GALNTL5: variants seen among roughly 807,000 people sequenced by gnomAD.
GALNTL5 encodes the protein polypeptide N-acetylgalactosaminyltransferase like 5.
GALNTL5 carries 44 observed loss-of-function variants against 51.0 expected under a neutral mutation model. The ratio of observed to expected loss-of-function variants is 0.86; its 90% confidence interval spans 0.68 to 1.11. The LOEUF is 1.11. GALNTL5 is among the 50% of genes least tolerant of loss of function. GALNTL5 has a pLI of 0.00. For missense variants in GALNTL5, 528 were observed against 531.8 expected (o/e 0.99, Z 0.07); for synonymous variants, 192 against 182.8 (o/e 1.05, Z -0.41).
At chr7:151,993,927 A>G (rs1285102259) in intron 5 of GALNTL5, among the ~76,000 whole-genome samples, 1 of 152,098 alleles carries the variant, frequency 6.6e-6, no homozygotes, top group Non-Finnish European at 1.5e-5. Flanking sequence ...TGGCTCTTCT[A>G]TGTGTATTTT....
intron 3 of GALNTL5, among the ~76,000 whole-genome samples, chr7:151,977,350 C>T (rs1289008064): frequency 2.6e-5 from 4 of 152,078 alleles, no homozygotes; most frequent in African/African-American, 9.7e-5. Flanking sequence ...TTGATTTTAA[C>T]CCTTCTAGCC....
At chr7:151,966,280 T>A (rs1318475503) in intron 1 of GALNTL5, among the ~76,000 whole-genome samples, 1 of 150,494 alleles carries the variant, frequency 6.6e-6, no homozygotes, top group African/African-American at 2.5e-5. Context: ...TTTTTTTTTT[T>A]GTTTGAGACG....
chr7:151,996,146 GCA>G (rs2081496853), intron 5 of GALNTL5, among the ~76,000 whole-genome samples: 1 of 152,052 alleles, frequency 6.6e-6, no homozygotes, highest in African/African-American at 2.4e-5. Context: ...ATACGCTTAA[GCA>G]CAGATTCTCT....
At chr7:152,013,971 T>C (rs920934545) in intron 7 of GALNTL5, among the ~76,000 whole-genome samples, 7 of 152,342 alleles carry the variant, frequency 4.6e-5, no homozygotes, top group South Asian at 4.1e-4. Flanking sequence ...AAAAGATGAA[T>C]AATTGAATTC....
chr7:151,995,739 A>G (rs1404178418), intron 5 of GALNTL5, among the ~76,000 whole-genome samples: 1 of 152,216 alleles, frequency 6.6e-6, no homozygotes, highest in Non-Finnish European at 1.5e-5. Flanking sequence ...TAATTAAAAC[A>G]TAAACATTGA....
intron 4 of GALNTL5, among the ~76,000 whole-genome samples, chr7:151,983,606 C>G (rs1185430878): frequency 1.3e-5 from 2 of 152,130 alleles, no homozygotes; most frequent in Non-Finnish European, 1.5e-5. Flanking sequence ...ACATGTGAGA[C>G]CTGGGCCCTG....
chr7:151,995,528 G>A (rs1014792850), intron 5 of GALNTL5, among the ~76,000 whole-genome samples: 2 of 151,636 alleles, frequency 1.3e-5, no homozygotes, highest in Admixed American at 1.3e-4. Flanking sequence ...TCTTCTATCA[G>A]CAACATTGCA....
intron 4 of GALNTL5, among the ~76,000 whole-genome samples, chr7:151,983,534 A>G (rs1306251850): frequency 6.6e-6 from 1 of 152,108 alleles, no homozygotes; most frequent in East Asian, 1.9e-4. Flanking sequence ...ATTTTGTACA[A>G]AAAAATCTTT....
chr7:152,000,822 A>G (rs1017062442), intron 5 of GALNTL5, among the ~76,000 whole-genome samples: 2 of 151,872 alleles, frequency 1.3e-5, no homozygotes, highest in East Asian at 3.9e-4. Flanking sequence ...GTCCTTTAGT[A>G]TATGTATGAT....
At chr7:152,014,018 T>A (rs1486885452) in intron 7 of GALNTL5, among the ~76,000 whole-genome samples, 1 of 152,238 alleles carries the variant, frequency 6.6e-6, no homozygotes, top group Non-Finnish European at 1.5e-5. Context: ...CTTGCCTACA[T>A]CCAGCAATTC....
chr7:151,974,506 T>C (rs961802589), intron 3 of GALNTL5, among the ~76,000 whole-genome samples: 3 of 152,216 alleles, frequency 2.0e-5, no homozygotes, highest in Admixed American at 6.5e-5. Flanking sequence ...TGTTGCAACT[T>C]GTGTGCAACG....
In GALNTL5 at chr7:151,982,634, CAA is replaced by C. The variant is rs60682039; in HGVS notation, c.369-340_369-339del. 6.3e-3 allele frequency among the ~76,000 whole-genome samples: 794 copies of C among 126,886 alleles called. 4 individuals are homozygous for C. Among genetic ancestry groups the C allele is most frequent in the Middle Eastern group, 0.02 (5 of 244 alleles). The allele number at this position is 126,886 out of a possible 152,430, so 83.2% of individuals were successfully genotyped here. ...TTTATCTGTCCTGCCATGGTGACAG[CAA>C]AAAAAAAAAAAGATAAAACTAATTC... On this transcript the variant is annotated intron_variant, in intron 3 of 8. Coordinates refer to ENST00000392800, the MANE Select transcript of GALNTL5 (RefSeq NM_145292.4).
At chr7:152,001,860 A>AG (rs1182750413) in intron 5 of GALNTL5, among the ~76,000 whole-genome samples, 1 of 152,078 alleles carries the variant, frequency 6.6e-6, no homozygotes, top group African/African-American at 2.4e-5. Flanking sequence ...ATTTTTTTAT[A>AG]CCTTTCTAAT....
chr7:152,014,478 G>T (rs1176428921), intron 7 of GALNTL5, among the ~76,000 whole-genome samples, 166 bp from the exon 8 acceptor site: 1 of 152,122 alleles, frequency 6.6e-6, no homozygotes, highest in Non-Finnish European at 1.5e-5. Context: ...ACGTTGGCCA[G>T]GCTGGTCTCA....
chr7:152,014,423 A>T (rs2081778543), intron 7 of GALNTL5, among the ~76,000 whole-genome samples: 1 of 151,956 alleles, frequency 6.6e-6, no homozygotes, highest in Admixed American at 6.6e-5. Flanking sequence ...ATGCGCCACC[A>T]CGCCTGGCTA....
intron 3 of GALNTL5, among the ~76,000 whole-genome samples, chr7:151,971,821 ATT>A (rs1491128900): frequency 6.7e-6 from 1 of 149,796 alleles, no homozygotes; most frequent in East Asian, 1.9e-4. Flanking sequence ...TTTCCCCTGC[ATT>A]CTCTCTCTCT....
chr7:151,995,347 AATTTTTTTTTTTTTTTTTTTTTTTTT>A lies in GALNTL5; in HGVS notation c.659-7366_659-7341del, dbSNP rs1286927703. 3 of 91,052 alleles carry A rather than the reference AATTTTTTTTTTTTTTTTTTTTTTTTT, an allele frequency of 3.3e-5. 1 individual carries two copies. Among genetic ancestry groups the A allele is most frequent in the African/African-American group, 1.2e-4 (3 of 24,962 alleles). 5.6% of individuals were successfully genotyped at this position (91,052 alleles called of 1,614,324 possible). A position where few individuals can be genotyped will look rare whatever the true frequency, so the allele number is the denominator to read the frequency against. ...AAGAAATCTACGATCAGTTGGTATGAATTTTTTTTTTTTTTTTTTTTTTTTTTTTTTTTTTTTTTTTTTGCATGGGA... is the reference window on the plus strand; with the variant it reads ...AAGAAATCTACGATCAGTTGGTATGATTTTTTTTTTTTTTTTTGCATGGGA... On this transcript the variant is annotated intron_variant, in intron 5 of 8. Coordinates refer to ENST00000392800, the MANE Select transcript of GALNTL5 (RefSeq NM_145292.4).
Position 151,987,261 on chromosome 7 carries a change from T to C in GALNTL5, c.638T>C (p.Ile213Thr), listed in dbSNP as rs1393690236. 6.3e-7 allele frequency: 1 copy of C among 1,582,552 alleles called. No individual in the cohort carries two copies. The highest frequency in any genetic ancestry group is 1.4e-5 in the African/African-American group (1 of 72,544). ...GAGGGGCTGATTCGAGCAAGGCTGA[T>C]TGGAGCTTCTCATGCTTCAGGTAGG... ...KREGLIRARL[I>T]GASHASGDVL... Residue 213 changes from isoleucine (I) to threonine (T), a missense_variant, in exon 5 of 9, where the codon ATT (isoleucine) becomes ACT (threonine). Coordinates refer to ENST00000392800, the MANE Select transcript of GALNTL5 (RefSeq NM_145292.4).
At chr7:152,009,743 G>T (rs1337675617) in intron 7 of GALNTL5, among the ~76,000 whole-genome samples, 1 of 152,164 alleles carries the variant, frequency 6.6e-6, no homozygotes, top group African/African-American at 2.4e-5. Context: ...ACCTTCCCAT[G>T]TTCCAGTAAC....
Sources: allele counts gnomAD v4.1 joint callset (sites outside exome capture counted in the v4.1 genomes callset), GRCh38; gene constraint gnomAD v4.1.1; transcripts MANE v1.5; gene names NCBI Gene and HGNC (gene_info 2026-07-23, HGNC 2026-07-21).